CSMD1: variants seen among roughly 807,000 people sequenced by gnomAD.
CSMD1 encodes CUB and Sushi multiple domains 1.
Under a neutral mutation model 417.5 loss-of-function variants are expected in CSMD1, and 213 were observed. The ratio of observed to expected loss-of-function variants is 0.51; its 90% CI spans 0.46 to 0.57. The LOEUF is 0.57. CSMD1 is among the 20% of genes least tolerant of loss of function. The pLI is 0.00. For missense variants in CSMD1, 6,923 were observed against 4,529.7 expected (o/e 1.53, Z -15.17); for synonymous variants, 2,862 against 1,736.8 (o/e 1.65, Z -16.11).
intron 41 of CSMD1, chr8:3,128,867 C>T: frequency 2.2e-6 from 1 of 455,262 alleles, no homozygotes; most frequent in Non-Finnish European, 4.4e-6. Context: ...GGTGTCAAGA[C>T]ATGGGAAAGC....
At chr8:3,733,389 C>T (rs1391751193) in intron 6 of CSMD1, among the ~76,000 whole-genome samples, 1 of 146,968 alleles carries the variant, frequency 6.8e-6, no homozygotes, top group East Asian at 2.0e-4. Context: ...TATATATTAT[C>T]TGGATTAGAT....
chr8:3,393,179 C>A (rs557307450), intron 17 of CSMD1, among the ~76,000 whole-genome samples: 2 of 152,092 alleles, frequency 1.3e-5, no homozygotes, highest in Non-Finnish European at 2.9e-5. Context: ...CCTTTGAGAG[C>A]CTTCTGGAAG....
At chr8:4,410,644 A>G (rs534491438) in intron 3 of CSMD1, among the ~76,000 whole-genome samples, 1 of 152,344 alleles carries the variant, frequency 6.6e-6, no homozygotes, top group Non-Finnish European at 1.5e-5. Context: ...TATGCATGTA[A>G]ACATGGAGAA....
chr8:2,991,394 A>G (rs1806374661), intron 54 of CSMD1, among the ~76,000 whole-genome samples: 1 of 152,216 alleles, frequency 6.6e-6, no homozygotes, highest in South Asian at 2.1e-4. Flanking sequence ...AATGCAATCA[A>G]TGAGTTAAAT....
At chr8:3,794,209 G>A (rs184960026) in intron 5 of CSMD1, among the ~76,000 whole-genome samples, 9 of 152,124 alleles carry the variant, frequency 5.9e-5, no homozygotes, top group South Asian at 2.1e-4. Context: ...TAAGGGGAGG[G>A]GTTTCCTTCT....
Position 3,367,182 on chromosome 8 carries a change from C to A in CSMD1, c.2965G>T (p.Asp989Tyr). The change falls in exon 20 of 70, where the codon GAT becomes TAT. Residue 989 changes from aspartate to tyrosine, a missense_variant. Coordinates refer to ENST00000635120, the MANE Select transcript of CSMD1 (RefSeq NM_033225.6). ...GCAACGGGCTCGGAAAAACTTCCAT[C>A]CTCTGTGATCAGTAAATAGTCGTGG... ...SSHDYLLITE[D>Y]GSFSEPVARL... 6.2e-7 allele frequency: 1 copy of A among 1,613,614 alleles called. No homozygotes were observed. The highest frequency in any genetic ancestry group is 8.5e-7 in the Non-Finnish European group (1 of 1,179,762).
intron 17 of CSMD1, among the ~76,000 whole-genome samples, chr8:3,392,007 C>CA (rs1362317432): frequency 3.4e-5 from 5 of 147,878 alleles, no homozygotes; most frequent in Non-Finnish European, 5.9e-5. Flanking sequence ...ATCACAAAGA[C>CA]AAAAAACCAA....
chr8:3,189,113 GTACA>G (rs74365563), intron 34 of CSMD1, 102 bp from the exon 35 acceptor site: 171,875 of 1,095,880 alleles, frequency 0.16, 14,747 homozygotes, highest in Admixed American at 0.22. Flanking sequence ...AAGAGAAAAT[GTACA>G]TGAACAATGA....
intron 2 of CSMD1, among the ~76,000 whole-genome samples, chr8:4,466,372 G>C (rs1293079987): frequency 1.3e-5 from 2 of 152,124 alleles, no homozygotes; most frequent in Admixed American, 6.6e-5. Context: ...TAGCCATGGA[G>C]ATGTATCGGG....
At chr8:3,526,043 A>C (rs1029604964) in intron 10 of CSMD1, among the ~76,000 whole-genome samples, 1 of 152,058 alleles carries the variant, frequency 6.6e-6, no homozygotes, top group African/African-American at 2.4e-5. Flanking sequence ...TTAAACAATT[A>C]ATAGCCTGGG....
chr8:3,280,978 A>G (rs111410305), intron 26 of CSMD1, among the ~76,000 whole-genome samples: 6,827 of 152,258 alleles, frequency 0.045, 220 homozygotes, highest in East Asian at 0.13. Context: ...AAAGGCCAGG[A>G]GTAAAATGAA....
In CSMD1 at chr8:4,141,027, A is replaced by G. The variant is rs931168105; in HGVS notation, c.416-108928T>C. The stretch of plus-strand genomic sequence containing the variant: ...AAGACAGGTAATATTCCTTACAAAC[A>G]TTGCCGTTTCATCTATTTAGTTCTA... On this transcript the variant is annotated intron_variant, in intron 3 of 69. Transcript: ENST00000635120. Among the ~76,000 whole-genome samples, 4 of 151,308 alleles carry G rather than the reference A, an allele frequency of 2.6e-5. No homozygotes were observed. The East Asian group carries it at 7.7e-4, about 29-fold the overall frequency.
At chr8:4,321,555 T>C (rs1029488632) in intron 3 of CSMD1, among the ~76,000 whole-genome samples, 1 of 152,154 alleles carries the variant, frequency 6.6e-6, no homozygotes, top group Non-Finnish European at 1.5e-5. Flanking sequence ...ATATCACAGA[T>C]ATAACAGACA....
intron 41 of CSMD1, among the ~76,000 whole-genome samples, chr8:3,132,799 C>G (rs1484584224): frequency 1.3e-5 from 2 of 152,164 alleles, no homozygotes; most frequent in East Asian, 3.9e-4. Flanking sequence ...GAAGCCCAAG[C>G]TCTTATTTCT....
rs771773804 is a variant in CSMD1, at chr8:3,997,958, G to C, written c.763C>G (p.Leu255Val). 4.3e-6 allele frequency: 7 copies of C among 1,612,008 alleles called. 1 individual carries two copies. The highest frequency in any genetic ancestry group is 2.2e-5 in the East Asian group (1 of 44,828). Reference protein sequence around the residue: ...TIALVFTDFQLEEGYDFLEIS... With the variant: ...TIALVFTDFQVEEGYDFLEIS... ...TCTAAGAAATCATATCCTTCTTCTAGCTGAAAGTCAGTGAAGACCAGCGCA... is the reference window on the plus strand; with the variant it reads ...TCTAAGAAATCATATCCTTCTTCTACCTGAAAGTCAGTGAAGACCAGCGCA... Residue 255 changes from leucine (L) to valine (V), a missense_variant, in exon 5 of 70, where the codon CTA (leucine) becomes GTA (valine). By Grantham distance (32) the Leu-to-Val change is conservative. Transcript: ENST00000635120.
intron 1 of CSMD1, among the ~76,000 whole-genome samples, chr8:4,985,662 T>A (rs1292473913): frequency 6.6e-6 from 1 of 152,244 alleles, no homozygotes; most frequent in Non-Finnish European, 1.5e-5. Context: ...ACAAGATGAC[T>A]ATTCTCACCT....
intron 3 of CSMD1, among the ~76,000 whole-genome samples, chr8:4,248,123 T>A (rs564460008): frequency 1.7e-3 from 252 of 152,270 alleles, no homozygotes; most frequent in African/African-American, 5.8e-3. Flanking sequence ...TTATTTTTTT[T>A]AAACAAATGG....
chr8:3,913,604 G>A (rs941372425), intron 5 of CSMD1, among the ~76,000 whole-genome samples: 1 of 152,160 alleles, frequency 6.6e-6, no homozygotes, highest in African/African-American at 2.4e-5. Context: ...CCACAGATCT[G>A]GCAAGAATGT....
intron 5 of CSMD1, among the ~76,000 whole-genome samples, chr8:3,892,127 G>C (rs771316559): frequency 9.6e-6 from 1 of 104,600 alleles, no homozygotes; most frequent in Non-Finnish European, 2.4e-5. Flanking sequence ...TAAGCTCTAA[G>C]ATAATATCAG....
Sources: allele counts gnomAD v4.1 joint callset (sites outside exome capture counted in the v4.1 genomes callset), GRCh38; gene constraint gnomAD v4.1.1; transcripts MANE v1.5; gene names NCBI Gene and HGNC (gene_info 2026-07-23, HGNC 2026-07-21).